The following CNTN3 variants were observed in gnomAD, a reference collection of about 807,000 sequenced individuals.
CNTN3 encodes the protein contactin 3.
Under a neutral mutation model 119.1 loss-of-function variants are expected in CNTN3, and 60 were observed. That is an observed-to-expected ratio of 0.50 (90% CI 0.41 to 0.62). The LOEUF is 0.62. Ranked by LOEUF, CNTN3 falls within the 20% of genes least tolerant of loss-of-function variation. The probability of loss-of-function intolerance (pLI) is 0.00; values close to 1 mark genes in which losing one functional copy is unlikely to be tolerated. For missense variants in CNTN3, 1,101 were observed against 1,242.4 expected, an observed-to-expected ratio of 0.89 and a Z score of 1.71; for synonymous variants, 450 against 438.7, an observed-to-expected ratio of 1.03 and a Z score of -0.32.
chr3:74,605,897 TGCC>T (rs1371672862), intron 1 of CNTN3, among the ~76,000 whole-genome samples: 12 of 152,164 alleles, frequency 7.9e-5, no homozygotes, highest in Non-Finnish European at 1.6e-4. Flanking sequence ...CCATGCAAAC[TGCC>T]AAGGAAGGTA....
chr3:74,323,622 C>T (rs1703051228), intron 13 of CNTN3, among the ~76,000 whole-genome samples: 1 of 152,138 alleles, frequency 6.6e-6, no homozygotes, highest in African/African-American at 2.4e-5. Context: ...TCAATAAAGC[C>T]ATTAAAAAAC....
At chr3:74,288,155 TTTTC>T (rs1417246552) in intron 19 of CNTN3, among the ~76,000 whole-genome samples, 3 of 84,048 alleles carry the variant, frequency 3.6e-5, no homozygotes, top group Non-Finnish European at 7.8e-5. Flanking sequence ...TTTTCTTTTC[TTTTC>T]TTTTTTTTTT....
chr3:74,316,170 G>A (rs1245593825), intron 13 of CNTN3, among the ~76,000 whole-genome samples: 1 of 152,116 alleles, frequency 6.6e-6, no homozygotes, highest in Non-Finnish European at 1.5e-5. Context: ...TAGGAAGTGG[G>A]CAAATGACAT....
At chr3:74,273,214 C>G (rs1485710235) in intron 20 of CNTN3, among the ~76,000 whole-genome samples, 1 of 152,176 alleles carries the variant, frequency 6.6e-6, no homozygotes, top group East Asian at 1.9e-4. Context: ...CTGAAACATT[C>G]AGACTCATTC....
At chr3:74,269,256 G>A (rs1701721094) in intron 20 of CNTN3, among the ~76,000 whole-genome samples, 1 of 151,884 alleles carries the variant, frequency 6.6e-6, no homozygotes, top group South Asian at 2.1e-4. Context: ...TTAGCTTGAT[G>A]TGCTAGTTAC....
At chr3:74,366,236 T>G (rs1481014252) in intron 8 of CNTN3, among the ~76,000 whole-genome samples, 1 of 152,116 alleles carries the variant, frequency 6.6e-6, no homozygotes, top group Non-Finnish European at 1.5e-5. Flanking sequence ...TAAGAACCTC[T>G]GAGTGAATTA....
At position 74,285,358 on chromosome 3, in the gene CNTN3, C is replaced by T. The variant is rs1308085381; in HGVS notation, c.2651G>A (p.Ser884Asn). The change falls in exon 20 of 23, where the codon AGT becomes AAT. Residue 884 changes from serine to asparagine, a missense_variant. Transcript: ENST00000263665. ...GGCGCTAAAAGGCCCAGCGCCGGCA[C>T]TGTTGTAAGCCCGGACAGCCGTGTA... ...AYYTAVRAYN[S>N]AGAGPFSATV... 3.1e-6 allele frequency: 5 copies of T among 1,613,310 alleles called. No individual in the cohort carries two copies. Among genetic ancestry groups the T allele is most frequent in the Non-Finnish European group, 4.2e-6 (5 of 1,179,624 alleles).
At position 74,361,938 on chromosome 3, in the gene CNTN3, G is replaced by T; in HGVS notation, c.1316C>A (p.Ala439Glu). The change falls in exon 11 of 23, where the codon GCA (alanine) becomes GAA (glutamate). Residue 439 changes from alanine to glutamate, a missense_variant. Transcript: ENST00000263665. ...ATCCCCCTTCTTCCAGGAAGAGAGTGCCCTTGGGGAGGCTCTGGGTTTACA... is the reference window on the plus strand; with the variant it reads ...ATCCCCCTTCTTCCAGGAAGAGAGTTCCCTTGGGGAGGCTCTGGGTTTACA... ...LDCKPRASPR[A>E]LSSWKKGDVS... The T allele has an allele frequency of 6.2e-7, 1 of 1,613,772 alleles. No individual in the cohort carries two copies. The highest frequency in any genetic ancestry group is 8.5e-7 in the Non-Finnish European group (1 of 1,179,782).
At chr3:74,398,183 A>G (rs535766017) in intron 5 of CNTN3, among the ~76,000 whole-genome samples, 5 of 152,344 alleles carry the variant, frequency 3.3e-5, no homozygotes, top group African/African-American at 1.2e-4. Flanking sequence ...TCTGGACAAA[A>G]TGTTATCAAA....
chr3:74,399,511 T>C (rs567338299), intron 5 of CNTN3, among the ~76,000 whole-genome samples: 1 of 152,312 alleles, frequency 6.6e-6, no homozygotes, highest in African/African-American at 2.4e-5. Context: ...CCATGGTGTA[T>C]ATGTACCACA....
chr3:74,514,691 C>A (rs1655699776), intron 2 of CNTN3, among the ~76,000 whole-genome samples: 1 of 151,968 alleles, frequency 6.6e-6, no homozygotes, highest in South Asian at 2.1e-4. Flanking sequence ...ATAGTTCTTG[C>A]AAAATAATTT....
intron 5 of CNTN3, among the ~76,000 whole-genome samples, chr3:74,421,439 G>A (rs188285455): frequency 6.6e-6 from 1 of 152,206 alleles, no homozygotes; most frequent in East Asian, 1.9e-4. Context: ...CAAAGTGCTG[G>A]ATTACAGGCA....
intron 5 of CNTN3, among the ~76,000 whole-genome samples, chr3:74,372,111 T>G (rs1375056831): frequency 6.6e-6 from 1 of 152,154 alleles, no homozygotes; most frequent in Admixed American, 6.6e-5. Flanking sequence ...TTATTTCAAC[T>G]AAAACGCTTA....
intron 11 of CNTN3, among the ~76,000 whole-genome samples, chr3:74,356,348 G>A (rs79149859): frequency 0.031 from 4,773 of 152,084 alleles, 113 homozygotes; most frequent in Non-Finnish European, 0.047. Context: ...ACCTTTGCAC[G>A]TGCTATTCTT....
intron 5 of CNTN3, among the ~76,000 whole-genome samples, chr3:74,397,092 C>G (rs143830565): frequency 6.6e-6 from 1 of 152,178 alleles, no homozygotes. Context: ...TTGTTAGGAA[C>G]TAATGTAGCT....
At chr3:74,517,185 C>T (rs1279383104) in intron 2 of CNTN3, among the ~76,000 whole-genome samples, 2 of 151,934 alleles carry the variant, frequency 1.3e-5, no homozygotes, top group Non-Finnish European at 2.9e-5. Context: ...AAGATACCCA[C>T]CTTTTTAGGC....
intron 19 of CNTN3, among the ~76,000 whole-genome samples, chr3:74,294,206 T>A (rs745816025): frequency 3.9e-5 from 6 of 152,090 alleles, no homozygotes; most frequent in Non-Finnish European, 8.8e-5. Context: ...TAGGATGAAA[T>A]CACAACTATG....
intron 5 of CNTN3, among the ~76,000 whole-genome samples, chr3:74,397,262 C>T (rs1705079419): frequency 6.6e-6 from 1 of 152,082 alleles, no homozygotes; most frequent in Admixed American, 6.6e-5. Context: ...TATTTTAAGT[C>T]CATTGTTGAG....
At chr3:74,401,250 C>T (rs561410397) in intron 5 of CNTN3, among the ~76,000 whole-genome samples, 20 of 152,194 alleles carry the variant, frequency 1.3e-4, no homozygotes, top group Non-Finnish European at 2.6e-4. Context: ...CAATCACTCA[C>T]AAGATGAGAT....
Sources: gnomAD v4.1 joint callset for allele counts (sites outside exome capture counted in the v4.1 genomes callset) on GRCh38, gnomAD v4.1.1 for gene constraint, MANE v1.5 for transcripts, NCBI Gene and HGNC (gene_info 2026-07-23, HGNC 2026-07-21) for gene names.